The following SLC4A10 variants were observed in gnomAD, a reference collection of about 807,000 sequenced individuals.
SLC4A10 encodes the protein sodium-driven chloride bicarbonate exchanger.
SLC4A10 carries 42 observed loss-of-function variants against 137.7 expected under a neutral mutation model. That is an observed-to-expected ratio of 0.30 (90% CI 0.24 to 0.39). The LOEUF is 0.39. Among genes scored for constraint, SLC4A10 ranks in the 10% least tolerant of loss-of-function variants. The pLI is 1.00. For synonymous variants in SLC4A10, 474 were observed against 464.1 expected (o/e 1.02, Z -0.27); for missense variants, 925 against 1,355.0 (o/e 0.68, Z 4.98).
intron 23 of SLC4A10, among the ~76,000 whole-genome samples, chr2:161,971,494 C>A (rs958520127): frequency 1.3e-5 from 2 of 152,158 alleles, no homozygotes; most frequent in African/African-American, 4.8e-5. Flanking sequence ...TTAATGGGTC[C>A]TATGTAAATT....
At chr2:161,807,351 C>T (rs1559293363) in intron 3 of SLC4A10, among the ~76,000 whole-genome samples, 1 of 152,168 alleles carries the variant, frequency 6.6e-6, no homozygotes, top group Non-Finnish European at 1.5e-5. Context: ...TTCTGAATGC[C>T]ATGAGAGCCC....
intron 18 of SLC4A10, among the ~76,000 whole-genome samples, chr2:161,950,081 C>T (rs907012139): frequency 2.0e-5 from 3 of 151,962 alleles, no homozygotes; most frequent in African/African-American, 7.2e-5. Flanking sequence ...TGGAATCCTT[C>T]CCTGAGCCTC....
chr2:161,828,239 G>C (rs1463854056), intron 3 of SLC4A10, among the ~76,000 whole-genome samples: 2 of 152,130 alleles, frequency 1.3e-5, no homozygotes, highest in Non-Finnish European at 2.9e-5. Context: ...GATAAACCTA[G>C]TTATTGTATT....
intron 11 of SLC4A10, among the ~76,000 whole-genome samples, chr2:161,895,309 T>C (rs950643644): frequency 5.3e-5 from 8 of 152,108 alleles, no homozygotes; most frequent in African/African-American, 1.9e-4. Context: ...ATCCAGTCTA[T>C]CATTGTTGGA....
chr2:161,837,139 A>C (rs2058867470), intron 3 of SLC4A10, among the ~76,000 whole-genome samples: 1 of 152,152 alleles, frequency 6.6e-6, no homozygotes, highest in Non-Finnish European at 1.5e-5. Flanking sequence ...ATAAATAGAG[A>C]AAGAGCTTGG....
chr2:161,914,995 T>C (rs889408310), intron 15 of SLC4A10, among the ~76,000 whole-genome samples: 8 of 152,058 alleles, frequency 5.3e-5, no homozygotes, highest in Non-Finnish European at 1.0e-4. Context: ...TCTCTTCCGA[T>C]TGGTTCTTTC....
intron 5 of SLC4A10, 40 bp downstream of exon 5, chr2:161,855,170 T>G: frequency 6.5e-7 from 1 of 1,544,944 alleles, no homozygotes; most frequent in Non-Finnish European, 8.7e-7. Flanking sequence ...TAGGTACAGC[T>G]AATTTTTTGT....
chr2:161,666,488 T>C (rs545205856), intron 1 of SLC4A10, among the ~76,000 whole-genome samples: 85 of 151,846 alleles, frequency 5.6e-4, no homozygotes, highest in African/African-American at 1.9e-3. Flanking sequence ...GCCCAATCTC[T>C]ACCAAATACC....
At chr2:161,802,965 C>T (rs1039446876) in intron 2 of SLC4A10, among the ~76,000 whole-genome samples, 4 of 152,056 alleles carry the variant, frequency 2.6e-5, no homozygotes, top group Admixed American at 6.6e-5. Flanking sequence ...ATATAAACCT[C>T]GGGGGACATA....
intron 1 of SLC4A10, among the ~76,000 whole-genome samples, chr2:161,741,605 T>C (rs1408557738): frequency 6.6e-6 from 1 of 152,212 alleles, no homozygotes; most frequent in Non-Finnish European, 1.5e-5. Flanking sequence ...GTCTGGTGTT[T>C]ACCTAGCACA....
intron 1 of SLC4A10, among the ~76,000 whole-genome samples, chr2:161,634,977 T>C (rs967483349): frequency 6.6e-6 from 1 of 152,046 alleles, no homozygotes; most frequent in African/African-American, 2.4e-5. Flanking sequence ...AAAAATGTAA[T>C]TAAAAGATAA....
At chr2:161,682,036 T>C (rs1158428974) in intron 1 of SLC4A10, among the ~76,000 whole-genome samples, 1 of 152,196 alleles carries the variant, frequency 6.6e-6, no homozygotes, top group African/African-American at 2.4e-5. Flanking sequence ...AGACTTGTCC[T>C]CTTTTTTCTT....
chr2:161,946,151 T>C (rs1201623822), intron 16 of SLC4A10, among the ~76,000 whole-genome samples: 2 of 152,066 alleles, frequency 1.3e-5, no homozygotes. Flanking sequence ...GTTTTTCAAT[T>C]AGCCAAGTTG....
chr2:161,714,028 G>T (rs1346884285), intron 1 of SLC4A10, among the ~76,000 whole-genome samples: 1 of 151,760 alleles, frequency 6.6e-6, no homozygotes, highest in Non-Finnish European at 1.5e-5. Context: ...TATGTCAGAA[G>T]TAAAACTCCT....
intron 2 of SLC4A10, among the ~76,000 whole-genome samples, chr2:161,778,591 G>A (rs2052654946): frequency 6.6e-6 from 1 of 151,758 alleles, no homozygotes; most frequent in Admixed American, 6.6e-5. Flanking sequence ...CCTAATTAAT[G>A]TTCATCAAAT....
chr2:161,970,627 G>A (rs537151940), intron 23 of SLC4A10, among the ~76,000 whole-genome samples: 10 of 152,146 alleles, frequency 6.6e-5, no homozygotes, highest in East Asian at 1.9e-4. Context: ...CTCTGTTGCC[G>A]TTGTTTGTAC....
At chr2:161,820,019 C>T (rs749524588) in intron 3 of SLC4A10, among the ~76,000 whole-genome samples, 2 of 151,930 alleles carry the variant, frequency 1.3e-5, no homozygotes, top group Admixed American at 1.3e-4. Context: ...TAGGATTATG[C>T]CAATTACAAT....
chr2:161,895,736 C>A (rs1481775656), intron 11 of SLC4A10, among the ~76,000 whole-genome samples: 1 of 152,070 alleles, frequency 6.6e-6, no homozygotes, highest in Non-Finnish European at 1.5e-5. Context: ...TGTTCATATC[C>A]TTTGCCCACT....
intron 26 of SLC4A10, among the ~76,000 whole-genome samples, 190 bp from the exon 27 acceptor site, chr2:161,982,989 T>C (rs781683476): frequency 2.0e-5 from 3 of 152,230 alleles, no homozygotes; most frequent in Non-Finnish European, 4.4e-5. Context: ...CTGCAGTTCT[T>C]GGTTTCTATC....
Sources: gnomAD v4.1 joint callset for allele counts (sites outside exome capture counted in the v4.1 genomes callset) on GRCh38, gnomAD v4.1.1 for gene constraint, MANE v1.5 for transcripts, NCBI Gene and HGNC (gene_info 2026-07-23, HGNC 2026-07-21) for gene names.